Variants in FBN2 observed in about 807,000 individuals in gnomAD.
FBN2 encodes the protein fibrillin 2.
Under a neutral mutation model 355.6 loss-of-function variants are expected in FBN2, and 105 were observed. The observed-to-expected ratio is 0.30, with a 90% CI of 0.25 to 0.35. FBN2 has a LOEUF of 0.35. Among genes scored for constraint, FBN2 ranks in the 10% least tolerant of loss-of-function variants. FBN2 has a pLI of 1.00. For missense variants in FBN2, 3,280 were observed against 3,758.7 expected, an observed-to-expected ratio of 0.87 and a Z score of 3.33; for synonymous variants, 1,350 against 1,301.2, an observed-to-expected ratio of 1.04 and a Z score of -0.81.
At chr5:128,449,645 CAA>C (rs1271634432) in intron 6 of FBN2, among the ~76,000 whole-genome samples, 1 of 150,518 alleles carries the variant, frequency 6.6e-6, no homozygotes, top group Non-Finnish European at 1.5e-5. Flanking sequence ...AAAAGAGTAA[CAA>C]AGAATAGGTG....
chr5:128,503,062 A>G (rs1388913579), intron 5 of FBN2, among the ~76,000 whole-genome samples: 2 of 138,244 alleles, frequency 1.4e-5, no homozygotes, highest in Non-Finnish European at 3.0e-5. Context: ...AGGTGGAGAT[A>G]ACTGAATCAC....
At chr5:128,428,606 T>G (rs953579933) in intron 7 of FBN2, among the ~76,000 whole-genome samples, 4 of 152,238 alleles carry the variant, frequency 2.6e-5, no homozygotes, top group African/African-American at 9.6e-5. Context: ...GGTTGCCTGT[T>G]TAAAATTCCA....
At chr5:128,398,021 A>G (rs1449668782) in intron 8 of FBN2, among the ~76,000 whole-genome samples, 1 of 152,182 alleles carries the variant, frequency 6.6e-6, no homozygotes. Flanking sequence ...AGGAAAAAAA[A>G]AAGATCTCTC....
chr5:128,272,910 G>A (rs1765302614), intron 61 of FBN2, among the ~76,000 whole-genome samples: 2 of 152,146 alleles, frequency 1.3e-5, no homozygotes, highest in Non-Finnish European at 2.9e-5. Context: ...ACGTCTCAAC[G>A]ATTTGAAAGA....
At position 128,332,997 on chromosome 5, in the gene FBN2, G is replaced by A; in HGVS notation, c.4137C>T (p.Asp1379=). Reference sequence around the variant, plus strand: ...GGATATTCAGACATGAGGCATGCATGTCGCAGTTATGAGCACCAATTTCAC... The same window carrying A: ...GGATATTCAGACATGAGGCATGCATATCGCAGTTATGAGCACCAATTTCAC... ...DECEIGAHNC[D]MHASCLNIPG... Residue 1379 remains aspartate (D), a synonymous_variant, in exon 32 of 65, where the codon GAC becomes GAT. Coordinates refer to ENST00000262464, the MANE Select transcript of FBN2 (RefSeq NM_001999.4). 1 of 1,612,924 alleles carries A rather than the reference G, an allele frequency of 6.2e-7. No individual in the cohort carries two copies. The highest frequency in any genetic ancestry group is 1.1e-5 in the South Asian group (1 of 91,038).
At chr5:128,437,254 C>G (rs1299096825) in intron 7 of FBN2, among the ~76,000 whole-genome samples, 1 of 152,136 alleles carries the variant, frequency 6.6e-6, no homozygotes, top group African/African-American at 2.4e-5. Flanking sequence ...AATGGGAAAG[C>G]TGACAAACAC....
rs1561505367 is a variant in FBN2, at chr5:128,537,666, G to A, written c.-63C>T. ...GAGGGAGTGATCAAAGACAAAATCT[G>A]CGCGCCTCAGAAAAGAGTCAGGGTC... On this transcript the variant is annotated 5_prime_UTR_variant, in exon 1 of 65. Transcript: ENST00000262464. 1.3e-5 allele frequency: 20 copies of A among 1,519,350 alleles called. No individual in the cohort carries two copies. The highest frequency in any genetic ancestry group is 1.5e-5 in the Non-Finnish European group (17 of 1,111,974). 94.1% of individuals were successfully genotyped at this position (1,519,350 alleles called of 1,614,324 possible).
chr5:128,387,190 A>T (rs1308350328), intron 11 of FBN2, among the ~76,000 whole-genome samples: 7 of 152,062 alleles, frequency 4.6e-5, no homozygotes, highest in Admixed American at 4.6e-4. Flanking sequence ...GTTTCCAGGA[A>T]TTTATGATTT....
At chr5:128,508,216 T>A (rs1312011214) in intron 5 of FBN2, among the ~76,000 whole-genome samples, 1 of 152,032 alleles carries the variant, frequency 6.6e-6, no homozygotes, top group Non-Finnish European at 1.5e-5. Flanking sequence ...AAATCCTACA[T>A]AACAATCTTT....
At chr5:128,328,629 C>T (rs779866430) in intron 34 of FBN2, 67 bp downstream of exon 34, 1 of 1,565,538 alleles carries the variant, frequency 6.4e-7, no homozygotes, top group Admixed American at 1.7e-5. Context: ...TTGTTCCAGC[C>T]CTTGTTGTGG....
At chr5:128,274,298 A>C (rs1247792786) in intron 60 of FBN2, among the ~76,000 whole-genome samples, 1 of 152,170 alleles carries the variant, frequency 6.6e-6, no homozygotes, top group African/African-American at 2.4e-5. Context: ...TTTTGTCTGA[A>C]CACCATGGTT....
chr5:128,385,845 G>A lies in FBN2; in HGVS notation c.1603+6173C>T, dbSNP rs1008070198. ...TGTCTGCATGTATGTCTTCTTTAGA[G>A]AAGTGTCTGCTCATGTCCTTTACCC... On this transcript the variant is annotated intron_variant, in intron 11 of 64. Coordinates refer to ENST00000262464, the MANE Select transcript of FBN2 (RefSeq NM_001999.4). 3.3e-5 allele frequency among the ~76,000 whole-genome samples: 5 copies of A among 152,122 alleles called. No individual in the cohort carries two copies. The South Asian group carries it at 8.3e-4, about 25-fold the overall frequency.
At position 128,408,550 on chromosome 5, in the gene FBN2, A is replaced by T. The variant is rs1344127548; in HGVS notation, c.1078+124T>A. The T allele has an allele frequency of 4.4e-6, 5 of 1,143,196 alleles. No individual in the cohort carries two copies. The East Asian group carries it at 1.2e-4, about 28-fold the overall frequency. The allele number at this position is 1,143,196 out of a possible 1,614,324, so 70.8% of individuals were successfully genotyped here. ...CAATCCCTCAATACTGGTACCGTTTACATTAAACAACTCATTCAGCCATTT... is the reference window on the plus strand; with the variant it reads ...CAATCCCTCAATACTGGTACCGTTTTCATTAAACAACTCATTCAGCCATTT... On this transcript the variant is annotated intron_variant, in intron 8 of 64. Coordinates refer to ENST00000262464, the MANE Select transcript of FBN2 (RefSeq NM_001999.4).
In FBN2 at chr5:128,446,565, C is replaced by T. The variant is rs1754069296; in HGVS notation, c.868G>A (p.Gly290Arg). Residue 290 changes from glycine to arginine, a missense_variant, in exon 7 of 65, where the codon GGA becomes AGA. By Grantham distance (125) the Gly-to-Arg change is moderately radical. Transcript: ENST00000262464. ...GAGCCCACTGTATTGATACAGTTTCCTCCTTGGCATATCCCTGGGATAGCC... is the reference window on the plus strand; with the variant it reads ...GAGCCCACTGTATTGATACAGTTTCTTCCTTGGCATATCCCTGGGATAGCC... Reference protein sequence around the residue: ...CQAIPGICQGGNCINTVGSFE... With the variant: ...CQAIPGICQGRNCINTVGSFE... 6.2e-7 allele frequency: 1 copy of T among 1,613,850 alleles called. No homozygotes were observed. Among genetic ancestry groups the T allele is most frequent in the Non-Finnish European group, 8.5e-7 (1 of 1,179,784 alleles).
At chr5:128,534,299 A>T (rs1043682645) in intron 2 of FBN2, among the ~76,000 whole-genome samples, 3 of 152,146 alleles carry the variant, frequency 2.0e-5, no homozygotes, top group Non-Finnish European at 2.9e-5. Context: ...AAAATTCTTG[A>T]TTTTGAGTTT....
rs1178847121 is a variant in FBN2, at chr5:128,330,626, G to A, written c.4292C>T (p.Ser1431Leu). 6.2e-7 allele frequency: 1 copy of A among 1,613,928 alleles called. No homozygotes were observed. Among genetic ancestry groups the A allele is most frequent in the Non-Finnish European group, 8.5e-7 (1 of 1,179,950 alleles). ...INAQCVNTPG[S>L]YRCACSEGFT... ...ACCTTCGGAGCAGGCACAGCGGTAT[G>A]AGCCCGGGGTATTTACACACTGAGC... Residue 1431 changes from serine (S) to leucine (L), a missense_variant, in exon 33 of 65, where the codon TCA (serine) becomes TTA (leucine). Ser to Leu is a moderately radical substitution (Grantham distance 145). Around this residue, in one of 6 missense-constraint regions of FBN2, gnomAD observed 2,284 missense variants for 2,749.5 expected, o/e 0.83. Coordinates refer to ENST00000262464, the MANE Select transcript of FBN2 (RefSeq NM_001999.4).
In FBN2 at chr5:128,336,153, C is replaced by T. The variant is rs755828865; in HGVS notation, c.3599-40G>A. On this transcript the variant is annotated intron_variant, in intron 27 of 64. Coordinates refer to ENST00000262464, the MANE Select transcript of FBN2 (RefSeq NM_001999.4). ...CAGAAGTAATGCTTTACACAATGTC[C>T]ACTCACTAAAGCCATCAGAAAGGTG... 5 of 1,605,562 alleles carry T rather than the reference C, an allele frequency of 3.1e-6. No homozygotes were observed. In the African/African-American group the frequency reaches 4.0e-5, roughly 13 times the overall value.
chr5:128,402,156 T>A (rs1233502915), intron 8 of FBN2, among the ~76,000 whole-genome samples: 2 of 152,062 alleles, frequency 1.3e-5, no homozygotes, highest in East Asian at 3.9e-4. Context: ...TTAAAAAATG[T>A]ATCATGTGGA....
At position 128,274,663 on chromosome 5, in the gene FBN2, T is replaced by C. The variant is rs1393043094; in HGVS notation, c.7615A>G (p.Lys2539Glu). Residue 2539 changes from lysine to glutamate, a missense_variant, in exon 60 of 65, where the codon AAG (lysine) becomes GAG (glutamate). Lys to Glu is a moderately conservative substitution (Grantham distance 56). Coordinates refer to ENST00000262464, the MANE Select transcript of FBN2 (RefSeq NM_001999.4). The part of the protein sequence containing the change: ...TCKDLDECQT[K>E]QHNCQFLCVN... ...CAGAGGAACTGGCAGTTATGCTGCT[T>C]TGTTTGACATTCATCAAGGTCTGAA... 1.9e-6 allele frequency: 3 copies of C among 1,609,874 alleles called. No individual in the cohort carries two copies. Among genetic ancestry groups the C allele is most frequent in the Non-Finnish European group, 2.6e-6 (3 of 1,176,268 alleles).
Sources: gnomAD v4.1 joint callset for allele counts (sites outside exome capture counted in the v4.1 genomes callset) on GRCh38, gnomAD v4.1.1 for gene constraint, gnomAD v4.1.1 regional missense constraint, MANE v1.5 for transcripts, NCBI Gene and HGNC (gene_info 2026-07-23, HGNC 2026-07-21) for gene names.